The following RRP12 variants were observed in gnomAD, a reference collection of about 807,000 sequenced individuals.
RRP12 encodes the protein RRP12-like protein.
In RRP12, 78 loss-of-function variants were observed where a neutral mutation model predicts 157.3. The ratio of observed to expected loss-of-function variants is 0.50; its 90% CI spans 0.41 to 0.60. The LOEUF (loss-of-function observed/expected upper bound fraction) is 0.60, where lower values mean the gene tolerates loss of function less well. Among genes scored for constraint, RRP12 ranks in the 20% least tolerant of loss-of-function variants. RRP12 has a pLI of 0.00. For synonymous variants in RRP12, 726 were observed against 670.9 expected (o/e 1.08, Z -1.27); for missense variants, 1,521 against 1,679.9 (o/e 0.91, Z 1.65).
intron 30 of RRP12, 102 bp from the exon 31 acceptor site, chr10:97,360,720 G>A: frequency 1.1e-6 from 1 of 870,178 alleles, no homozygotes. Flanking sequence ...AGCAGGAGAG[G>A]CCCTCTGCTA....
chr10:97,377,538 G>T (rs776274724), intron 15 of RRP12, among the ~76,000 whole-genome samples: 2 of 149,262 alleles, frequency 1.3e-5, no homozygotes, highest in Admixed American at 6.7e-5. Flanking sequence ...GTATGTGTCT[G>T]TGTTTCAATA....
At chr10:97,377,995 G>T (rs1004039005) in intron 15 of RRP12, among the ~76,000 whole-genome samples, 4 of 152,140 alleles carry the variant, frequency 2.6e-5, no homozygotes, top group Non-Finnish European at 5.9e-5. Context: ...GCTGAGCAAT[G>T]TAACCCCATG....
Position 97,370,750 on chromosome 10 carries a change from T to G in RRP12, c.2549A>C (p.Glu850Ala). The G allele has an allele frequency of 2.5e-6, 4 of 1,614,078 alleles. No individual in the cohort carries two copies. The highest frequency in any genetic ancestry group is 3.4e-6 in the Non-Finnish European group (4 of 1,179,994). ...LLHIVRKLSA[E>A]HKEFITALIP... Reference sequence around the variant, plus strand: ...GAGGGCAGTGATGAACTCCTTGTGTTCAGCTGAGAGCTTCCTCACGATGTG... The same window carrying G: ...GAGGGCAGTGATGAACTCCTTGTGTGCAGCTGAGAGCTTCCTCACGATGTG... Residue 850 changes from glutamate (E) to alanine (A), a missense_variant, in exon 22 of 34, where the codon GAA becomes GCA. Coordinates refer to ENST00000370992, the MANE Select transcript of RRP12 (RefSeq NM_015179.4).
intron 15 of RRP12, among the ~76,000 whole-genome samples, chr10:97,378,401 G>A (rs1014184762): frequency 4.6e-5 from 7 of 152,168 alleles, no homozygotes; most frequent in African/African-American, 1.7e-4. Context: ...GCTGTACTGA[G>A]TGCTGCAACT....
rs1482629822 is a variant in RRP12, at chr10:97,379,634, C to A, written c.1670G>T (p.Gly557Val). The change falls in exon 14 of 34, where the codon GGC becomes GTC. Residue 557 changes from glycine (G) to valine (V), a missense_variant. Transcript: ENST00000370992. ...CAGCCAGGGCCACACTTACTCAGAG[C>A]CATCAATTTCCAAAGGCACAGCCTG... ...VLQAVPLEID[G>V]SEETLDFPRS... 1.4e-5 allele frequency: 22 copies of A among 1,613,716 alleles called. No individual in the cohort carries two copies. Among genetic ancestry groups the A allele is most frequent in the Non-Finnish European group, 1.5e-5 (18 of 1,179,874 alleles).
rs1281120619 is a variant in RRP12, at chr10:97,396,264, C to T, written c.407G>A (p.Arg136His). 5.6e-6 allele frequency: 9 copies of T among 1,613,608 alleles called. No homozygotes were observed. The highest frequency in any genetic ancestry group is 3.3e-5 in the Admixed American group (2 of 59,972). The change falls in exon 3 of 34, where the codon CGC becomes CAC. Residue 136 changes from arginine to histidine, a missense_variant. Physicochemically the swap from Arg to His is conservative, Grantham distance 29 (BLOSUM62 0). Transcript: ENST00000370992. ...AVLAAVTEVI[R>H]SQGGKETETE... The stretch of plus-strand genomic sequence containing the variant: ...CTCCGTCTCCTTCCCTCCCTGGGAG[C>T]GAATCACCTCAGTGACAGCAGCCAG...
Position 97,398,463 on chromosome 10 carries a change from C to T in RRP12, c.369+1842G>A, listed in dbSNP as rs371128984. On this transcript the variant is annotated intron_variant, in intron 2 of 33. Transcript: ENST00000370992. Reference sequence around the variant, plus strand: ...CTGCCTCCAGGGTTCAAGTGATTCTCGTGCCTCAGCTTCCCAAGTAGCTGG... The same window carrying T: ...CTGCCTCCAGGGTTCAAGTGATTCTTGTGCCTCAGCTTCCCAAGTAGCTGG... Among the ~76,000 whole-genome samples the T allele has an allele frequency of 1.1e-4, 16 of 149,836 alleles. No individual in the cohort carries two copies. The East Asian group carries it at 2.4e-3, about 22-fold the overall frequency.
rs200201855 is a variant in RRP12, at chr10:97,380,927, G to C, written c.1419-14C>G. 6.3e-7 allele frequency: 1 copy of C among 1,599,604 alleles called. No homozygotes were observed. Among genetic ancestry groups the C allele is most frequent in the South Asian group, 1.1e-5 (1 of 90,796 alleles). On this transcript the variant is annotated splice_polypyrimidine_tract_variant and intron_variant, in intron 12 of 33. Coordinates refer to ENST00000370992, the MANE Select transcript of RRP12 (RefSeq NM_015179.4). The stretch of plus-strand genomic sequence containing the variant: ...TCCTCCACTGCCCTGCCAAGGGGGC[G>C]GCACAGTCAGGGCCACGGTCACACC...
chr10:97,394,203 C>A (rs1054971015), intron 3 of RRP12, among the ~76,000 whole-genome samples: 24 of 152,020 alleles, frequency 1.6e-4, no homozygotes, highest in Non-Finnish European at 5.9e-5. Context: ...ATTAGCCAGG[C>A]ATGGTGGCGG....
Position 97,390,776 on chromosome 10 carries a change from G to A in RRP12, c.599C>T (p.Ala200Val). 6.2e-7 allele frequency: 1 copy of A among 1,613,936 alleles called. No homozygotes were observed. Among genetic ancestry groups the A allele is most frequent in the South Asian group, 1.1e-5 (1 of 91,072 alleles). The stretch of plus-strand genomic sequence containing the variant: ...AGAGGTGGAGCCGCTGCTGGCCTGA[G>A]CTGACATGATATCCATGAAGGCTTT... ...TSKAFMDIMS[A>V]QASSGSTSVL... The change falls in exon 5 of 34, where the codon GCT becomes GTT. Residue 200 changes from alanine (A) to valine (V), a missense_variant. By Grantham distance (64) the Ala-to-Val change is moderately conservative (BLOSUM62 0). Transcript: ENST00000370992.
intron 3 of RRP12, among the ~76,000 whole-genome samples, chr10:97,395,207 T>TATATACACACAC (rs112214269): frequency 6.7e-6 from 1 of 149,856 alleles, no homozygotes; most frequent in African/African-American, 2.5e-5. Flanking sequence ...TATACACATA[T>TATATACACACAC]ACACACACAC....
In RRP12 at chr10:97,381,063, T is replaced by C. The variant is rs376222685; in HGVS notation, c.1419-150A>G. On this transcript the variant is annotated intron_variant, in intron 12 of 33. Transcript: ENST00000370992. ...GAGACAACAGAAGAGAACTAACATT[T>C]GTGACATGCCCACACTCCCTATGTT... 6.1e-4 allele frequency: 385 copies of C among 626,224 alleles called. 1 individual carries two copies. The African/African-American group carries it at 6.5e-3, about 11-fold the overall frequency. 38.8% of individuals were successfully genotyped at this position (626,224 alleles called of 1,614,324 possible).
At chr10:97,382,299 C>T (rs1233371793) in intron 10 of RRP12, among the ~76,000 whole-genome samples, 4 of 152,046 alleles carry the variant, frequency 2.6e-5, no homozygotes, top group African/African-American at 7.2e-5. Flanking sequence ...CACATGCCAC[C>T]ATGCTCAGCT....
chr10:97,388,494 G>A lies in RRP12; in HGVS notation c.884C>T (p.Ser295Phe). ...CCTCCATTTGGGTTCCCCACCTCCA[G>A]ACTTCTCAATCTCCTGGATGCAGAA... ...AKFCIQEIEK[S>F]GGSKEATTTL... The change falls in exon 7 of 34, where the codon TCT becomes TTT. Residue 295 changes from serine (S) to phenylalanine (F), a missense_variant. Physicochemically the swap from Ser to Phe is radical, Grantham distance 155. Transcript: ENST00000370992. 3 of 1,614,156 alleles carry A rather than the reference G, an allele frequency of 1.9e-6. No individual in the cohort carries two copies. Among genetic ancestry groups the A allele is most frequent in the Non-Finnish European group, 2.5e-6 (3 of 1,180,020 alleles).
intron 9 of RRP12, 46 bp from the exon 10 acceptor site, chr10:97,385,303 T>C (rs538052772): frequency 3.5e-6 from 5 of 1,430,888 alleles, no homozygotes; most frequent in African/African-American, 2.8e-5. Context: ...GGGTCTGCAA[T>C]AGCCCAGTGA....
intron 29 of RRP12, among the ~76,000 whole-genome samples, chr10:97,365,475 G>A (rs1441642568): frequency 1.3e-5 from 2 of 151,974 alleles, no homozygotes; most frequent in African/African-American, 2.4e-5. Flanking sequence ...GGTTTTAACC[G>A]TGTTAGCCAG....
chr10:97,371,661 C>G (rs777241883), intron 20 of RRP12: 1 of 192,762 alleles, frequency 5.2e-6, no homozygotes, highest in Non-Finnish European at 1.1e-5. Context: ...GAGGGCATTT[C>G]AAGCTGAGGA....
At chr10:97,372,310 A>G (rs1011455266) in intron 19 of RRP12, 144 bp from the exon 20 acceptor site, 1 of 594,244 alleles carries the variant, frequency 1.7e-6, no homozygotes, top group African/African-American at 1.8e-5. Flanking sequence ...GAACAATAAT[A>G]ATAGCTAGTA....
In RRP12 at chr10:97,380,940, C is replaced by T. The variant is rs1183307880; in HGVS notation, c.1419-27G>A. The T allele has an allele frequency of 1.9e-6, 3 of 1,556,590 alleles. No individual in the cohort carries two copies. In the Admixed American group the frequency reaches 5.0e-5, roughly 26 times the overall value. ...TGCCAAGGGGGCGGCACAGTCAGGG[C>T]CACGGTCACACCACCCTGTGCCCCC... On this transcript the variant is annotated intron_variant, in intron 12 of 33. Transcript: ENST00000370992.
Sources: allele counts gnomAD v4.1 joint callset (sites outside exome capture counted in the v4.1 genomes callset), GRCh38; gene constraint gnomAD v4.1.1; transcripts MANE v1.5; gene names NCBI Gene and HGNC (gene_info 2026-07-23, HGNC 2026-07-21).